The following RNASE10 variants were observed in gnomAD, a reference collection of about 807,000 sequenced individuals.
The protein encoded by RNASE10 is ribonuclease A family member 10 (inactive).
In RNASE10, 2 loss-of-function variants were observed where a neutral mutation model predicts 1.1. That is an observed-to-expected ratio of 1.82 (90% CI 0.74 to 5.73). The LOEUF (loss-of-function observed/expected upper bound fraction) is 5.73. RNASE10 is among the 30% of genes most tolerant of loss of function. The pLI is 0.05. For synonymous variants in RNASE10, 97 were observed against 96.2 expected (o/e 1.01, Z -0.05); for missense variants, 276 against 263.4 (o/e 1.05, Z -0.33).
At chr14:20,506,357 T>G (rs1346837113) in intron 1 of RNASE10, among the ~76,000 whole-genome samples, 28 of 88,662 alleles carry the variant, frequency 3.2e-4, no homozygotes, top group Admixed American at 4.6e-4. Context: ...GTCCGGGAGG[T>G]GAGGGGCGCC....
At chr14:20,506,510 C>A (rs1429653236) in intron 1 of RNASE10, among the ~76,000 whole-genome samples, 2 of 126,964 alleles carry the variant, frequency 1.6e-5, no homozygotes, top group African/African-American at 6.3e-5. Flanking sequence ...GCCCCCCGCC[C>A]GGCCAGCCGC....
rs188575151 is a variant in RNASE10 at position 20,510,439 on chromosome 14, G to T, written c.80-28G>T. ...GAGCCAATTTTGATCTCAAAGTCAC[G>T]TTCTTCCATTTCCCGCTTCCTCTCC... On this transcript the variant is annotated intron_variant, in intron 1 of 1. Transcript: ENST00000430083. The T allele has an allele frequency of 1.2e-4, 197 of 1,585,114 alleles. No individual in the cohort carries two copies. In the African/African-American group the frequency reaches 2.2e-3, roughly 17 times the overall value.
At chr14:20,506,708 G>T (rs1882735407) in intron 1 of RNASE10, among the ~76,000 whole-genome samples, 1 of 132,670 alleles carries the variant, frequency 7.5e-6, no homozygotes, top group Non-Finnish European at 1.6e-5. Flanking sequence ...CGTCCGGGAG[G>T]GAGGTGGGGG....
chr14:20,511,278 G>A (rs535286570), downstream of RNASE10: 1 of 543,342 alleles, frequency 1.8e-6, no homozygotes, highest in African/African-American at 1.9e-5. Flanking sequence ...CCTAGGATTA[G>A]AGATGGTAGG....
chr14:20,510,664 A>G (rs765526050), exon 2 of RNASE10: 6 of 1,614,148 alleles, frequency 3.7e-6, no homozygotes, highest in Non-Finnish European at 5.1e-6. Context: ...CACCCAAACC[A>G]CAGAAACGCT....
intron 1 of RNASE10, among the ~76,000 whole-genome samples, chr14:20,506,650 A>G (rs529333258): frequency 0.092 from 4,508 of 49,266 alleles, 697 homozygotes; most frequent in South Asian, 0.16. Flanking sequence ...CCAGCCGCCC[A>G]GTCCAGGAGG....
At position 20,509,050 on chromosome 14, in the gene RNASE10, TGC is replaced by T. The variant is rs567711534; in HGVS notation, c.80-1416_80-1415del. ...ACTGGCCTAGCAAGACAAAGATGCA[TGC>T]TCAGCTCTCCTTAGGATCTTCTTTT... On this transcript the variant is annotated intron_variant, in intron 1 of 1. Coordinates refer to ENST00000430083, the Ensembl canonical transcript of RNASE10. Among the ~76,000 whole-genome samples, 13 of 152,260 alleles carry T rather than the reference TGC, an allele frequency of 8.5e-5. No homozygotes were observed. The South Asian group carries it at 2.7e-3, about 32-fold the overall frequency.
exon 2 of RNASE10, chr14:20,510,639 TGAG>T: frequency 1.2e-6 from 2 of 1,614,154 alleles, no homozygotes; most frequent in African/African-American, 1.3e-5. Context: ...CTGAGGCCAC[TGAG>T]GAGGGAGACG....
At chr14:20,506,747 C>A (rs1338242853) in intron 1 of RNASE10, among the ~76,000 whole-genome samples, 3 of 112,706 alleles carry the variant, frequency 2.7e-5, no homozygotes, top group African/African-American at 6.3e-5. Flanking sequence ...CCAGCCGCCC[C>A]GTCCGGGAGG....
In RNASE10 at chr14:20,510,698, T is replaced by C. The variant is rs781366174; in HGVS notation, c.311T>C (p.Val104Ala). The C allele has an allele frequency of 9.3e-6, 15 of 1,614,056 alleles. No individual in the cohort carries two copies. The Admixed American group carries it at 2.5e-4, about 27-fold the overall frequency. The change falls in exon 2 of 2, where the codon GTG becomes GCG. Residue 104 changes from valine (V) to alanine (A), a missense_variant. Val to Ala is a moderately conservative substitution (Grantham distance 64, BLOSUM62 0). Coordinates refer to ENST00000430083, the Ensembl canonical transcript of RNASE10. Reference sequence around the variant, plus strand: ...CTGGTGCTTAGCAACAAAGAAGTGGTGCAACCTGGCTGGCCAGAAGATCCC... The same window carrying C: ...CTGGTGCTTAGCAACAAAGAAGTGGCGCAACCTGGCTGGCCAGAAGATCCC...
At chr14:20,508,207 A>G (rs1882803181) in intron 1 of RNASE10, among the ~76,000 whole-genome samples, 1 of 152,140 alleles carries the variant, frequency 6.6e-6, no homozygotes, top group Non-Finnish European at 1.5e-5. Context: ...GAAGAAGGAT[A>G]TTTTCTTAAA....
At chr14:20,509,187 C>T (rs1882832816) in intron 1 of RNASE10, among the ~76,000 whole-genome samples, 1 of 152,224 alleles carries the variant, frequency 6.6e-6, no homozygotes, top group South Asian at 2.1e-4. Context: ...GTGGCTGGGA[C>T]TACTGGTGCG....
chr14:20,505,261 G>GCTCCCTCTCTCTCCCT (rs1566535811), upstream of RNASE10, among the ~76,000 whole-genome samples: 2 of 51,316 alleles, frequency 3.9e-5, no homozygotes, highest in Non-Finnish European at 6.8e-5. Context: ...AAGTGAGTTT[G>GCTCCCTCTCTCTCCCT]CTCCCTCTCC....
chr14:20,513,452 G>A (rs1379005185), downstream of RNASE10, among the ~76,000 whole-genome samples: 2 of 152,090 alleles, frequency 1.3e-5, no homozygotes, highest in Non-Finnish European at 2.9e-5. Context: ...TAATTCCAAT[G>A]TAGCTTCCTC....
intron 1 of RNASE10, among the ~76,000 whole-genome samples, chr14:20,506,314 G>C (rs1257883661): frequency 3.9e-5 from 5 of 128,158 alleles, no homozygotes; most frequent in South Asian, 2.8e-4. Flanking sequence ...AGGGAGGTGG[G>C]GGGGGTCAGC....
At chr14:20,513,126 G>A (rs573744953), downstream of RNASE10, among the ~76,000 whole-genome samples, 9 of 152,178 alleles carry the variant, frequency 5.9e-5, no homozygotes, top group African/African-American at 2.2e-4. Flanking sequence ...CTCCCTAAGC[G>A]TTCCGGCACT....
At chr14:20,507,977 G>A (rs368377444) in intron 1 of RNASE10, among the ~76,000 whole-genome samples, 4 of 151,858 alleles carry the variant, frequency 2.6e-5, no homozygotes, top group Non-Finnish European at 4.4e-5. Context: ...CTCAAACTCC[G>A]GGACTCAAGT....
exon 2 of RNASE10, chr14:20,510,496 T>A (rs1566538055): frequency 1.2e-6 from 2 of 1,611,664 alleles, no homozygotes; most frequent in Admixed American, 1.7e-5. Context: ...GGTGCAGATC[T>A]TTTTCATGTT....
exon 1 of RNASE10, chr14:20,505,793 A>G (rs1456667941): frequency 7.0e-5 from 7 of 100,144 alleles, no homozygotes; most frequent in East Asian, 2.4e-4. Context: ...GGATACGAGG[A>G]GCCTCTCTGC....
Sources: gnomAD v4.1 joint callset for allele counts (sites outside exome capture counted in the v4.1 genomes callset) on GRCh38, gnomAD v4.1.1 for gene constraint, MANE v1.5 for transcripts, NCBI Gene and HGNC (gene_info 2026-07-23, HGNC 2026-07-21) for gene names.